ZAP70: variants seen among roughly 807,000 people sequenced by gnomAD.
ZAP70 encodes the protein tyrosine-protein kinase ZAP-70.
A neutral mutation model predicts 65.8 loss-of-function variants in ZAP70; 27 were observed. The ratio of observed to expected loss-of-function variants is 0.41; its 90% CI spans 0.30 to 0.57. ZAP70 has a LOEUF of 0.57. ZAP70 is among the 20% of genes least tolerant of loss of function. The pLI is 0.28. For missense variants in ZAP70, 696 were observed against 870.5 expected (o/e 0.80, Z 2.52); for synonymous variants, 363 against 360.8 (o/e 1.01, Z -0.07).
chr2:97,748,914 G>C, the ZAP70 span, among the ~76,000 whole-genome samples: 1 of 152,156 alleles, frequency 6.6e-6, no homozygotes, highest in Non-Finnish European at 1.5e-5. Context: ...GCTGATTGCG[G>C]ATCTCATGTG....
rs1255028473 is a variant in ZAP70 at position 97,720,480 on chromosome 2, T to TC, written c.-21-3535dup. On this transcript the variant is annotated intron_variant, in intron 2 of 13. Coordinates refer to ENST00000264972, the MANE Select transcript of ZAP70 (RefSeq NM_001079.4). ...CCTGACTTTAGGTGATCCGCCTGCC[T>TC]CGGCCTCCCAAAGTGTGGGCCACCG... Among the ~76,000 whole-genome samples the TC allele has an allele frequency of 3.9e-5, 6 of 151,984 alleles. No homozygotes were observed. In the East Asian group the frequency reaches 1.2e-3, roughly 29 times the overall value.
the ZAP70 span, among the ~76,000 whole-genome samples, chr2:97,749,973 G>A: frequency 6.6e-6 from 1 of 152,232 alleles, no homozygotes; most frequent in African/African-American, 2.4e-5. Flanking sequence ...TTAACACTGG[G>A]AAATGTCTTT....
At position 97,735,250 on chromosome 2, in the gene ZAP70, G is replaced by A; in HGVS notation, c.1083G>A (p.Lys361=). The A allele has an allele frequency of 6.2e-7, 1 of 1,613,876 alleles. No homozygotes were observed. Among genetic ancestry groups the A allele is most frequent in the Non-Finnish European group, 8.5e-7 (1 of 1,179,942 alleles). The stretch of plus-strand genomic sequence containing the variant: ...TGCCTCCCGTGGCCGGGTCGGGCAG[G>A]AAGCAGATCGACGTGGCCATCAAGG... The part of the protein sequence containing the change: ...SVRQGVYRMR[K]KQIDVAIKVL... The change falls in exon 10 of 14, where the codon AAG becomes AAA. Residue 361 remains lysine, a splice_region_variant and synonymous_variant. Transcript: ENST00000264972.
rs1190634960 is a variant in ZAP70 at position 97,731,478 on chromosome 2, C to T, written c.564-1405C>T. Among the ~76,000 whole-genome samples the T allele has an allele frequency of 6.6e-6, 1 of 152,132 alleles. No individual in the cohort carries two copies. The highest frequency in any genetic ancestry group is 1.5e-5 in the Non-Finnish European group (1 of 68,030). On this transcript the variant is annotated intron_variant, in intron 4 of 13. Coordinates refer to ENST00000264972, the MANE Select transcript of ZAP70 (RefSeq NM_001079.4). The surrounding 1 kb of genome is among the most constrained non-coding windows in gnomAD (Gnocchi z 4.0). ...TCTCTTCCTTGCCCTTTTGTGTGCC[C>T]TCATTGCCCCCGCCCTGATTTCCCA...
intron 13 of ZAP70, 52 bp downstream of exon 13, chr2:97,738,159 G>T: frequency 6.7e-7 from 1 of 1,503,418 alleles, no homozygotes; most frequent in South Asian, 1.2e-5. Flanking sequence ...GGAAAGTCCT[G>T]GTGCCCGATG....
the ZAP70 span, among the ~76,000 whole-genome samples, chr2:97,750,545 T>C: frequency 6.6e-6 from 1 of 152,308 alleles, no homozygotes; most frequent in African/African-American, 2.4e-5. Flanking sequence ...TCTAAAACTC[T>C]AGACAGGAGA....
chr2:97,720,930 C>T (rs1348746087), intron 2 of ZAP70, among the ~76,000 whole-genome samples: 2 of 152,184 alleles, frequency 1.3e-5, no homozygotes, highest in African/African-American at 4.8e-5. Flanking sequence ...TCTGGACACC[C>T]AGGGCAGAGG....
intron 3 of ZAP70, chr2:97,724,703 C>T (rs1474303615): frequency 6.6e-6 from 10 of 1,516,242 alleles, no homozygotes; most frequent in Non-Finnish European, 8.8e-6. Context: ...ACGCACTGGG[C>T]CGGGCGAAGG....
chr2:97,740,211 C>A (rs1199906231), downstream of ZAP70, among the ~76,000 whole-genome samples: 1 of 152,066 alleles, frequency 6.6e-6, no homozygotes, highest in Admixed American at 6.6e-5. Flanking sequence ...GGGGTCTTCA[C>A]CCCCCCAGGG....
At chr2:97,745,158 C>A in the ZAP70 span, among the ~76,000 whole-genome samples, 1 of 152,218 alleles carries the variant, frequency 6.6e-6, no homozygotes, top group Non-Finnish European at 1.5e-5. Context: ...CCAGCCTCAG[C>A]CTCCTGAGTA....
chr2:97,734,265 G>A lies in ZAP70; in HGVS notation c.890-255G>A, dbSNP rs1053221067. On this transcript the variant is annotated intron_variant, in intron 8 of 13. Transcript: ENST00000264972. ...TGCACACCCCAGCTGGCACAGTAACGGTGCCACGTGGATACCAATGCACAC... is the reference window on the plus strand; with the variant it reads ...TGCACACCCCAGCTGGCACAGTAACAGTGCCACGTGGATACCAATGCACAC... 8.8e-6 allele frequency: 9 copies of A among 1,019,948 alleles called. No homozygotes were observed. The South Asian group carries it at 1.2e-4, about 14-fold the overall frequency. 63.2% of individuals were successfully genotyped at this position (1,019,948 alleles called of 1,614,324 possible). A position where few individuals can be genotyped will look rare whatever the true frequency, so the allele number is the denominator to read the frequency against.
At chr2:97,733,087 G>C in intron 5 of ZAP70, 38 bp from the exon 6 acceptor site, 1 of 1,614,012 alleles carries the variant, frequency 6.2e-7, no homozygotes, top group Non-Finnish European at 8.5e-7. Context: ...GCTCTGGGGA[G>C]GAGAGGAGCC....
At chr2:97,744,587 G>A (rs1339488113), downstream of ZAP70, among the ~76,000 whole-genome samples, 3 of 152,188 alleles carry the variant, frequency 2.0e-5, no homozygotes, top group Non-Finnish European at 4.4e-5. Context: ...TGGGGATGGG[G>A]CCAGGGGAAT....
chr2:97,731,054 CA>C lies in ZAP70; in HGVS notation c.564-1808del, dbSNP rs56688476. Among the ~76,000 whole-genome samples the C allele has an allele frequency of 0.054, 2,820 of 52,442 alleles. 52 individuals are homozygous for C. The highest frequency in any genetic ancestry group is 0.15 in the East Asian group (334 of 2,164). 34.4% of individuals were successfully genotyped at this position (52,442 alleles called of 152,430 possible). ...CGGGCTGTGGAGCGAGACTCGGTCT[CA>C]AAAAAAAAAAAAAAAAAAAAGAGAC... On this transcript the variant is annotated intron_variant, in intron 4 of 13. Coordinates refer to ENST00000264972, the MANE Select transcript of ZAP70 (RefSeq NM_001079.4). This position sits in a 1 kb window ranked among gnomAD's most constrained non-coding sequence, Gnocchi z 4.0.
chr2:97,750,166 C>T, the ZAP70 span, among the ~76,000 whole-genome samples: 1 of 152,364 alleles, frequency 6.6e-6, no homozygotes, highest in African/African-American at 2.4e-5. Context: ...CCAGGCCACA[C>T]TCATCCATGC....
At chr2:97,754,195 C>G in the ZAP70 span, among the ~76,000 whole-genome samples, 44 of 152,182 alleles carry the variant, frequency 2.9e-4, no homozygotes, top group South Asian at 8.3e-3. Flanking sequence ...TTGGAAAGCA[C>G]AAGTAACAGA....
rs201807129 is a variant in ZAP70 at position 97,739,504 on chromosome 2, C to G, written c.*6C>G. On this transcript the variant is annotated 3_prime_UTR_variant, in exon 14 of 14. Coordinates refer to ENST00000264972, the MANE Select transcript of ZAP70 (RefSeq NM_001079.4). ...CTGAGGCTGCCTGTGCCTGAGCTCC[C>G]GCTGCCCAGGGGAGCCCTCCACGCC... 2.5e-6 allele frequency: 4 copies of G among 1,611,566 alleles called. No homozygotes were observed. In the East Asian group the frequency reaches 8.9e-5, roughly 36 times the overall value.
chr2:97,741,615 C>T (rs1354411773), downstream of ZAP70, among the ~76,000 whole-genome samples: 1 of 152,234 alleles, frequency 6.6e-6, no homozygotes, highest in African/African-American at 2.4e-5. Flanking sequence ...GGCTGAGGGA[C>T]GCAGTTTCTG....
At chr2:97,729,785 C>A (rs920147655) in intron 4 of ZAP70, among the ~76,000 whole-genome samples, 16 of 151,008 alleles carry the variant, frequency 1.1e-4, no homozygotes, top group Non-Finnish European at 2.9e-5. Flanking sequence ...GGTGATAACA[C>A]CAATGTCTTA....
Sources: gnomAD v4.1 joint callset for allele counts (sites outside exome capture counted in the v4.1 genomes callset) on GRCh38, gnomAD v4.1.1 for gene constraint, Gnocchi (gnomAD v3.1) non-coding constraint, MANE v1.5 for transcripts, NCBI Gene and HGNC (gene_info 2026-07-23, HGNC 2026-07-21) for gene names.